Variants in FBXO21 observed in about 807,000 individuals in gnomAD.
FBXO21 encodes the protein F-box protein 21, also known as F-box only protein 21.
Under a neutral mutation model 76.6 loss-of-function variants are expected in FBXO21, and 32 were observed. That is an observed-to-expected ratio of 0.42 (90% CI 0.32 to 0.56). The LOEUF is 0.56. Among genes scored for constraint, FBXO21 ranks in the 20% least tolerant of loss-of-function variants. The pLI is 0.16. For synonymous variants in FBXO21, 328 were observed against 311.5 expected (o/e 1.05, Z -0.56); for missense variants, 586 against 797.3 (o/e 0.73, Z 3.19).
intron 7 of FBXO21, among the ~76,000 whole-genome samples, chr12:117,170,377 C>A (rs1956106199): frequency 6.6e-6 from 1 of 152,146 alleles, no homozygotes; most frequent in South Asian, 2.1e-4. Context: ...TTCCAAAGAA[C>A]CTGACAAAAC....
At position 117,158,023 on chromosome 12, in the gene FBXO21, C is replaced by G; in HGVS notation, c.1367G>C (p.Gly456Ala). ...CAGGTAGCCCACCGCCCCGTGCTGCCCCGGGTCTAGGGTTTGGATGTGCTG... is the reference window on the plus strand; with the variant it reads ...CAGGTAGCCCACCGCCCCGTGCTGCGCCGGGTCTAGGGTTTGGATGTGCTG... ...ILQHIQTLDP[G>A]QHGAVGYLVQ... The change falls in exon 10 of 12, where the codon GGG becomes GCG. Residue 456 changes from glycine to alanine, a missense_variant. Physicochemically the swap from Gly to Ala is moderately conservative, Grantham distance 60. This residue lies in a region of FBXO21 where 164 missense variants were observed against 236.7 expected (regional missense o/e 0.69). Coordinates refer to ENST00000622495, the MANE Select transcript of FBXO21 (RefSeq NM_015002.3). The G allele has an allele frequency of 6.2e-7, 1 of 1,614,200 alleles. No homozygotes were observed. Among genetic ancestry groups the G allele is most frequent in the Non-Finnish European group, 8.5e-7 (1 of 1,180,036 alleles).
chr12:117,178,832 G>A (rs1021550122), intron 3 of FBXO21, among the ~76,000 whole-genome samples: 2 of 152,016 alleles, frequency 1.3e-5, no homozygotes, highest in African/African-American at 4.8e-5. Context: ...TCTATAGCAT[G>A]TTTCATTTTC....
chr12:117,174,564 T>C, intron 5 of FBXO21, 87 bp downstream of exon 5: 1 of 1,470,288 alleles, frequency 6.8e-7, no homozygotes, highest in Non-Finnish European at 9.3e-7. Context: ...CATGACATAA[T>C]GGCAGCACAC....
At chr12:117,174,607 G>C in intron 5 of FBXO21, 44 bp downstream of exon 5, 3 of 1,593,908 alleles carry the variant, frequency 1.9e-6, no homozygotes, top group East Asian at 4.5e-5. Context: ...AATTCCTCTA[G>C]ATTTTCTTTC....
chr12:117,154,057 T>C (rs1955881183), intron 11 of FBXO21, among the ~76,000 whole-genome samples: 1 of 152,196 alleles, frequency 6.6e-6, no homozygotes, highest in African/African-American at 2.4e-5. Flanking sequence ...GAAAAGAAAA[T>C]GCTCATTTAT....
chr12:117,188,452 T>C (rs1956308078), intron 2 of FBXO21, among the ~76,000 whole-genome samples: 1 of 151,948 alleles, frequency 6.6e-6, no homozygotes, highest in Non-Finnish European at 1.5e-5. Flanking sequence ...GGCTGAGACA[T>C]GAGAATTGCT....
At chr12:117,157,387 G>C (rs940629985) in intron 10 of FBXO21, among the ~76,000 whole-genome samples, 10 of 152,260 alleles carry the variant, frequency 6.6e-5, no homozygotes, top group African/African-American at 2.4e-4. Flanking sequence ...TCTGGCAATA[G>C]CACCAGGCGA....
chr12:117,178,698 G>T (rs1956199352), intron 3 of FBXO21, among the ~76,000 whole-genome samples: 1 of 151,984 alleles, frequency 6.6e-6, no homozygotes. Context: ...TCTCTCCAGA[G>T]ACTGCAGTCT....
At chr12:117,151,810 A>G (rs928177653) in intron 11 of FBXO21, among the ~76,000 whole-genome samples, 1 of 152,194 alleles carries the variant, frequency 6.6e-6, no homozygotes, top group Non-Finnish European at 1.5e-5. Flanking sequence ...AGAGAGAATA[A>G]CAGTGGTGGA....
chr12:117,163,261 G>A (rs756159055), intron 9 of FBXO21, among the ~76,000 whole-genome samples: 13 of 152,222 alleles, frequency 8.5e-5, no homozygotes, highest in South Asian at 4.1e-4. Context: ...GGCCGGGCAC[G>A]GTGGCTCACG....
chr12:117,185,427 T>C (rs528224063), intron 3 of FBXO21, among the ~76,000 whole-genome samples: 2 of 152,240 alleles, frequency 1.3e-5, no homozygotes, highest in African/African-American at 2.4e-5. Context: ...TTAAGGAAGA[T>C]GTTAAACTAA....
rs2135836643 is a variant in FBXO21 at position 117,143,994 on chromosome 12, T to G, written c.*2093A>C. On this transcript the variant is annotated 3_prime_UTR_variant, in exon 12 of 12. Transcript: ENST00000622495. ...TTAGAGTACAGGATCCAAAACACGTTTTTAGAAAAATATAAAGTGCCCAAA... is the reference window on the plus strand; with the variant it reads ...TTAGAGTACAGGATCCAAAACACGTGTTTAGAAAAATATAAAGTGCCCAAA... The G allele has an allele frequency of 6.5e-6, 1 of 152,726 alleles. No homozygotes were observed. Among genetic ancestry groups the G allele is most frequent in the Non-Finnish European group, 1.5e-5 (1 of 68,030 alleles). The allele number at this position is 152,726 out of a possible 1,614,324, so 9.5% of individuals were successfully genotyped here. A position where few individuals can be genotyped will look rare whatever the true frequency, so the allele number is the denominator to read the frequency against.
chr12:117,181,625 C>CTATA (rs1306385740), intron 3 of FBXO21, among the ~76,000 whole-genome samples: 1 of 151,876 alleles, frequency 6.6e-6, no homozygotes, highest in Admixed American at 6.6e-5. Context: ...ATCTATCTAT[C>CTATA]TATCTATCTA....
intron 11 of FBXO21, among the ~76,000 whole-genome samples, chr12:117,153,610 G>A (rs939839243): frequency 6.6e-6 from 1 of 152,180 alleles, no homozygotes; most frequent in Non-Finnish European, 1.5e-5. Flanking sequence ...CCCTGGAGAG[G>A]GAGGACCCTG....
intron 8 of FBXO21, among the ~76,000 whole-genome samples, chr12:117,166,450 AT>A (rs1338906273): frequency 6.6e-6 from 1 of 152,182 alleles, no homozygotes; most frequent in African/African-American, 2.4e-5. Context: ...CAGGGAGGAT[AT>A]GGGAACTCTC....
chr12:117,166,525 A>C (rs1247217793), intron 8 of FBXO21, among the ~76,000 whole-genome samples: 1 of 152,256 alleles, frequency 6.6e-6, no homozygotes, highest in Non-Finnish European at 1.5e-5. Context: ...TATTAAAAAA[A>C]AGAATTCTGT....
At chr12:117,157,071 T>G (rs886359923) in intron 10 of FBXO21, among the ~76,000 whole-genome samples, 1 of 151,604 alleles carries the variant, frequency 6.6e-6, no homozygotes, top group African/African-American at 2.4e-5. Flanking sequence ...TAGTCCCAGC[T>G]ACCTGGGAGG....
chr12:117,185,114 T>C (rs1956269779), intron 3 of FBXO21, among the ~76,000 whole-genome samples: 2 of 152,108 alleles, frequency 1.3e-5, no homozygotes, highest in African/African-American at 4.8e-5. Flanking sequence ...ACAAAGTAGG[T>C]ATGAGGTCCC....
intron 11 of FBXO21, among the ~76,000 whole-genome samples, chr12:117,152,011 G>A (rs1210116597): frequency 6.6e-6 from 1 of 152,062 alleles, no homozygotes; most frequent in Non-Finnish European, 1.5e-5. Context: ...TCACTCACAG[G>A]GGGCCCCTGA....
Sources: gnomAD v4.1 joint callset for allele counts (sites outside exome capture counted in the v4.1 genomes callset) on GRCh38, gnomAD v4.1.1 for gene constraint, gnomAD v4.1.1 regional missense constraint, MANE v1.5 for transcripts, NCBI Gene and HGNC (gene_info 2026-07-23, HGNC 2026-07-21) for gene names.